DCDC2C: variants seen among roughly 807,000 people sequenced by gnomAD.
The protein encoded by DCDC2C is doublecortin domain-containing protein 2C.
A neutral mutation model predicts 45.0 loss-of-function variants in DCDC2C; 44 were observed. The ratio of observed to expected loss-of-function variants is 0.98; its 90% CI spans 0.77 to 1.26. The LOEUF is 1.26. DCDC2C is among the 50% of genes most tolerant of loss of function. The pLI is 0.00. For synonymous variants in DCDC2C, 187 were observed against 178.8 expected (o/e 1.05, Z -0.37); for missense variants, 447 against 468.9 (o/e 0.95, Z 0.43).
At chr2:3,723,780 G>A (rs554681597) in intron 2 of DCDC2C, among the ~76,000 whole-genome samples, 1 of 152,294 alleles carries the variant, frequency 6.6e-6, no homozygotes, top group East Asian at 1.9e-4. Flanking sequence ...CATAAAGGAT[G>A]AGAAGACTCA....
At chr2:3,845,626 T>G (rs1672308747) in intron 10 of DCDC2C, among the ~76,000 whole-genome samples, 1 of 152,298 alleles carries the variant, frequency 6.6e-6, no homozygotes, top group African/African-American at 2.4e-5. Flanking sequence ...CATCTCATCC[T>G]GAGCAATTTT....
chr2:3,840,571 A>C (rs553044798), intron 10 of DCDC2C, among the ~76,000 whole-genome samples: 1 of 152,336 alleles, frequency 6.6e-6, no homozygotes, highest in East Asian at 1.9e-4. Flanking sequence ...TGCTCTCTAA[A>C]CTAGTCAAAA....
chr2:3,767,644 A>C, intron 6 of DCDC2C, 110 bp from the exon 7 acceptor site: 2 of 1,281,798 alleles, frequency 1.6e-6, no homozygotes, highest in Non-Finnish European at 2.1e-6. Flanking sequence ...GTTTCCTCCT[A>C]CTGTTTCTCT....
chr2:3,705,197 C>G (rs1668034840), intron 1 of DCDC2C, among the ~76,000 whole-genome samples: 2 of 152,254 alleles, frequency 1.3e-5, no homozygotes, highest in East Asian at 3.9e-4. Flanking sequence ...GTTCCAAATT[C>G]TTAGTGGCAT....
intron 2 of DCDC2C, 61 bp downstream of exon 2, chr2:3,708,661 A>G (rs1471013201): frequency 1.6e-6 from 2 of 1,288,128 alleles, no homozygotes; most frequent in Non-Finnish European, 2.2e-6. Flanking sequence ...TAAAAATTTA[A>G]ATGTCGGCAC....
chr2:3,823,835 C>T (rs1671751554), intron 10 of DCDC2C, among the ~76,000 whole-genome samples: 1 of 152,074 alleles, frequency 6.6e-6, no homozygotes, highest in Non-Finnish European at 1.5e-5. Context: ...TATTATGTGT[C>T]TGCAGTTACT....
Position 3,752,770 on chromosome 2 carries a change from A to G in DCDC2C, c.553A>G (p.Thr185Ala). 6.4e-7 allele frequency: 1 copy of G among 1,550,462 alleles called. No homozygotes were observed. The highest frequency in any genetic ancestry group is 8.7e-7 in the Non-Finnish European group (1 of 1,146,894). Residue 185 changes from threonine to alanine, a missense_variant, in exon 5 of 11, where the codon ACA (threonine) becomes GCA (alanine). Coordinates refer to ENST00000399143, the MANE Select transcript of DCDC2C (RefSeq NM_001287444.2). ...FPLGGVRKLF[T>A]MNGHLLGDSK... is the part of the protein sequence containing the mutation. The stretch of plus-strand genomic sequence containing the variant: ...TTCTTTCTGTTTTTACAGATTATTT[A>G]CAATGAATGGGCATCTTTTGGGCGA...
chr2:3,768,415 C>T (rs1670070667), intron 7 of DCDC2C, among the ~76,000 whole-genome samples: 1 of 152,198 alleles, frequency 6.6e-6, no homozygotes, highest in Non-Finnish European at 1.5e-5. Flanking sequence ...CATTCATGTC[C>T]CGTCTCATGT....
intron 2 of DCDC2C, among the ~76,000 whole-genome samples, chr2:3,720,105 G>A (rs1416521200): frequency 1.3e-5 from 2 of 152,230 alleles, no homozygotes; most frequent in Non-Finnish European, 2.9e-5. Flanking sequence ...GGCAGCAGCT[G>A]TGGAAACTGC....
chr2:3,794,223 C>A (rs1172925231), intron 10 of DCDC2C, among the ~76,000 whole-genome samples: 1 of 152,164 alleles, frequency 6.6e-6, no homozygotes, highest in East Asian at 1.9e-4. Context: ...AAATGTATGA[C>A]ACATTTAATT....
chr2:3,801,877 C>A (rs544925905), intron 10 of DCDC2C, among the ~76,000 whole-genome samples: 2 of 152,234 alleles, frequency 1.3e-5, no homozygotes, highest in Admixed American at 1.3e-4. Flanking sequence ...CCTGGGCTGA[C>A]GGGACACTAC....
intron 10 of DCDC2C, among the ~76,000 whole-genome samples, chr2:3,805,561 T>C (rs1671217305): frequency 1.3e-5 from 2 of 152,250 alleles, no homozygotes; most frequent in Admixed American, 1.3e-4. Context: ...AAATAATGTG[T>C]CACCTTGTGC....
chr2:3,757,357 G>T (rs545820383), intron 6 of DCDC2C, among the ~76,000 whole-genome samples: 3 of 152,010 alleles, frequency 2.0e-5, no homozygotes, highest in African/African-American at 7.3e-5. Context: ...GAATGTGGGG[G>T]GCTGTTGGGA....
rs973575692 is a variant in DCDC2C, at chr2:3,761,763, T to C, written c.727-5991T>C. Among the ~76,000 whole-genome samples, 12 of 152,316 alleles carry C rather than the reference T, an allele frequency of 7.9e-5. No individual in the cohort carries two copies. Among genetic ancestry groups the C allele is most frequent in the African/African-American group, 2.2e-4 (9 of 41,578 alleles). ...ACCTGAGGATGGACTGACTCTGAAA[T>C]AGGTTGTTACTGTCCTTCAATTAGA... On this transcript the variant is annotated intron_variant, in intron 6 of 10. Transcript: ENST00000399143. This position sits in a 1 kb window ranked among gnomAD's most constrained non-coding sequence, Gnocchi z 4.3.
At chr2:3,799,424 T>C (rs1671048501) in intron 10 of DCDC2C, among the ~76,000 whole-genome samples, 1 of 152,238 alleles carries the variant, frequency 6.6e-6, no homozygotes, top group Non-Finnish European at 1.5e-5. Flanking sequence ...ACTGCGTTCC[T>C]TTGGAGGAGG....
chr2:3,842,884 G>C (rs1435379268), intron 10 of DCDC2C, among the ~76,000 whole-genome samples: 1 of 152,084 alleles, frequency 6.6e-6, no homozygotes, highest in East Asian at 1.9e-4. Flanking sequence ...GCCCAGAAGG[G>C]ACACATCACG....
chr2:3,731,101 C>T (rs1572567725), intron 3 of DCDC2C, among the ~76,000 whole-genome samples: 1 of 152,208 alleles, frequency 6.6e-6, no homozygotes, highest in Non-Finnish European at 1.5e-5. Flanking sequence ...AAGTGGGAGA[C>T]AGAATCTTCC....
At chr2:3,790,512 G>C (rs1382941012) in intron 10 of DCDC2C, among the ~76,000 whole-genome samples, 2 of 152,236 alleles carry the variant, frequency 1.3e-5, no homozygotes, top group South Asian at 4.2e-4. Context: ...AATTAACATT[G>C]CCAGAAATGC....
intron 9 of DCDC2C, among the ~76,000 whole-genome samples, chr2:3,782,926 A>G (rs966565229): frequency 2.6e-5 from 4 of 152,254 alleles, no homozygotes; most frequent in African/African-American, 4.8e-5. Flanking sequence ...TTCCAAAGCA[A>G]GATGGAAAGT....
Sources: gnomAD v4.1 joint callset for allele counts (sites outside exome capture counted in the v4.1 genomes callset) on GRCh38, gnomAD v4.1.1 for gene constraint, Gnocchi (gnomAD v3.1) non-coding constraint, MANE v1.5 for transcripts, NCBI Gene and HGNC (gene_info 2026-07-23, HGNC 2026-07-21) for gene names.